IGHMBP2: variants seen among roughly 807,000 people sequenced by gnomAD.
The protein encoded by IGHMBP2 is DNA-binding protein SMUBP-2.
A neutral mutation model predicts 96.0 loss-of-function variants in IGHMBP2; 81 were observed. That is an observed-to-expected ratio of 0.84 (90% CI 0.71 to 1.01). The LOEUF (loss-of-function observed/expected upper bound fraction) is 1.01. Ranked by LOEUF, IGHMBP2 falls within the 50% of genes least tolerant of loss-of-function variation. IGHMBP2 has a pLI of 0.00. For synonymous variants in IGHMBP2, 557 were observed against 548.9 expected, an observed-to-expected ratio of 1.01 and a Z score of -0.21; for missense variants, 1,227 against 1,306.3, an observed-to-expected ratio of 0.94 and a Z score of 0.94.
chr11:68,931,881 C>T (rs1012179080), intron 8 of IGHMBP2, among the ~76,000 whole-genome samples: 3 of 151,378 alleles, frequency 2.0e-5, no homozygotes, highest in Non-Finnish European at 4.4e-5. Flanking sequence ...AGGATGGTTT[C>T]GGGGGAAGAC....
At chr11:68,926,175 C>T (rs1461615919) in intron 7 of IGHMBP2, 1 of 151,678 alleles carries the variant, frequency 6.6e-6, no homozygotes, top group East Asian at 1.9e-4. Flanking sequence ...CAATGGACCT[C>T]TCTTCAAGTT....
At chr11:68,937,135 G>A in intron 13 of IGHMBP2, 44 bp downstream of exon 13, 1 of 1,595,016 alleles carries the variant, frequency 6.3e-7, no homozygotes, top group Non-Finnish European at 8.5e-7. Flanking sequence ...CCCTCACTGG[G>A]GTGCTGGCCC....
Position 68,933,719 on chromosome 11 carries a change from G to A in IGHMBP2, c.1419-76G>A, listed in dbSNP as rs1859408403. On this transcript the variant is annotated intron_variant, in intron 9 of 14. Transcript: ENST00000255078. ...TACCTAAGCCTTTTCCTCGTGGGAG[G>A]GGTCGGTTCTGTTGGGTGGGGCCTC... 13 of 1,208,770 alleles carry A rather than the reference G, an allele frequency of 1.1e-5. No homozygotes were observed. In the South Asian group the frequency reaches 1.5e-4, roughly 14 times the overall value. The allele number at this position is 1,208,770 out of a possible 1,614,324, so 74.9% of individuals were successfully genotyped here.
At chr11:68,934,612 A>G (rs1047817877) in intron 11 of IGHMBP2, 54 bp downstream of exon 11, 2 of 1,310,256 alleles carry the variant, frequency 1.5e-6, no homozygotes, top group African/African-American at 1.5e-5. Context: ...CACACAACCT[A>G]GAGGGTGAAA....
intron 1 of IGHMBP2, among the ~76,000 whole-genome samples, chr11:68,905,662 T>C (rs559848785): frequency 2.6e-5 from 4 of 152,352 alleles, no homozygotes; most frequent in East Asian, 3.9e-4. Context: ...CTGCTTTTGA[T>C]TGGACGTGGA....
intron 7 of IGHMBP2, among the ~76,000 whole-genome samples, chr11:68,928,741 G>A (rs1315574108): frequency 6.7e-6 from 1 of 150,032 alleles, no homozygotes; most frequent in East Asian, 1.9e-4. Flanking sequence ...AGGAAAAGCT[G>A]CTGCAGTGGG....
intron 4 of IGHMBP2, 37 bp downstream of exon 4, chr11:68,908,668 A>G: frequency 7.2e-7 from 1 of 1,393,508 alleles, no homozygotes; most frequent in South Asian, 1.2e-5. Context: ...GGTTGAAATC[A>G]CTACTGAAAG....
At chr11:68,915,878 A>G (rs1272191750) in intron 6 of IGHMBP2, among the ~76,000 whole-genome samples, 1 of 152,118 alleles carries the variant, frequency 6.6e-6, no homozygotes, top group African/African-American at 2.4e-5. Context: ...GGAATTGTAA[A>G]GAAAACATTT....
chr11:68,928,639 C>T (rs1240719104), intron 7 of IGHMBP2, among the ~76,000 whole-genome samples: 1 of 152,156 alleles, frequency 6.6e-6, no homozygotes, highest in African/African-American at 2.4e-5. Flanking sequence ...GGGAGGCTCG[C>T]CTGAGGCCCC....
intron 10 of IGHMBP2, chr11:68,934,195 C>G (rs1187240304): frequency 3.3e-6 from 2 of 613,834 alleles, no homozygotes; most frequent in Non-Finnish European, 2.9e-6. Context: ...TGTCATTGCT[C>G]AGCTGACACC....
At chr11:68,915,875 T>G (rs1465129430) in intron 6 of IGHMBP2, among the ~76,000 whole-genome samples, 1 of 151,794 alleles carries the variant, frequency 6.6e-6, no homozygotes, top group South Asian at 2.1e-4. Flanking sequence ...TGAGGAATTG[T>G]AAAGAAAACA....
intron 1 of IGHMBP2, among the ~76,000 whole-genome samples, chr11:68,904,331 C>T (rs1332061557): frequency 6.6e-6 from 1 of 152,216 alleles, no homozygotes; most frequent in Non-Finnish European, 1.5e-5. Flanking sequence ...GTTCCACCCG[C>T]AGCGAGTTAG....
chr11:68,927,345 C>T (rs1023414172), intron 7 of IGHMBP2, among the ~76,000 whole-genome samples: 1 of 152,224 alleles, frequency 6.6e-6, no homozygotes, highest in African/African-American at 2.4e-5. Flanking sequence ...AGACAGAAAT[C>T]CCCCTGAACT....
At chr11:68,937,953 G>A in intron 13 of IGHMBP2, 1 of 576,420 alleles carries the variant, frequency 1.7e-6, no homozygotes, top group Non-Finnish European at 3.1e-6. Flanking sequence ...CACATGAGCT[G>A]CTTTTTAATT....
intron 7 of IGHMBP2, among the ~76,000 whole-genome samples, chr11:68,925,547 C>T (rs1367413137): frequency 6.6e-6 from 1 of 152,090 alleles, no homozygotes; most frequent in Non-Finnish European, 1.5e-5. Context: ...TTTATGGGGT[C>T]TTTTATATCT....
In IGHMBP2 at chr11:68,936,319, C is replaced by T; in HGVS notation, c.1839C>T (p.Asp613=). The T allele has an allele frequency of 1.9e-6, 3 of 1,614,230 alleles. No individual in the cohort carries two copies. Among genetic ancestry groups the T allele is most frequent in the Non-Finnish European group, 2.5e-6 (3 of 1,180,040 alleles). The change falls in exon 13 of 15, where the codon GAC becomes GAT. Residue 613 remains aspartate, a synonymous_variant. Transcript: ENST00000255078. ...RARRHVAVIC[D]SRTVNNHAFL... is the part of the protein sequence containing the mutation. ...GACGCCACGTGGCGGTCATCTGTGACTCCCGTACTGTCAACAACCATGCAT... is the reference window on the plus strand; with the variant it reads ...GACGCCACGTGGCGGTCATCTGTGATTCCCGTACTGTCAACAACCATGCAT...
At chr11:68,932,995 T>C (rs1859374572) in intron 8 of IGHMBP2, 2 of 482,696 alleles carry the variant, frequency 4.1e-6, no homozygotes, top group African/African-American at 1.9e-5. Context: ...CATGCCCCCT[T>C]ATAAGACCCT....
At chr11:68,936,056 G>A (rs1859512820) in intron 12 of IGHMBP2, among the ~76,000 whole-genome samples, 181 bp from the exon 13 acceptor site, 1 of 152,234 alleles carries the variant, frequency 6.6e-6, no homozygotes, top group African/African-American at 2.4e-5. Flanking sequence ...AGTCAGCCGT[G>A]GCAGCCAGAT....
intron 7 of IGHMBP2, among the ~76,000 whole-genome samples, chr11:68,921,015 T>C (rs1264223649): frequency 6.6e-6 from 1 of 152,184 alleles, no homozygotes; most frequent in Non-Finnish European, 1.5e-5. Context: ...CAGGCTGGTC[T>C]CAAACTCCTG....
Sources: allele counts gnomAD v4.1 joint callset (sites outside exome capture counted in the v4.1 genomes callset), GRCh38; gene constraint gnomAD v4.1.1; transcripts MANE v1.5; gene names NCBI Gene and HGNC (gene_info 2026-07-23, HGNC 2026-07-21).